The following NRXN1 variants were observed in gnomAD, a reference collection of about 807,000 sequenced individuals.
The protein encoded by NRXN1 is neurexin 1.
Under a neutral mutation model 150.9 loss-of-function variants are expected in NRXN1, and 39 were observed. The ratio of observed to expected loss-of-function variants is 0.26; its 90% CI spans 0.20 to 0.34. NRXN1 has a LOEUF of 0.34. Ranked by LOEUF, NRXN1 falls within the 10% of genes least tolerant of loss-of-function variation. NRXN1 has a pLI of 1.00. For synonymous variants in NRXN1, 924 were observed against 757.0 expected (o/e 1.22, Z -3.62); for missense variants, 1,815 against 1,949.9 (o/e 0.93, Z 1.30).
Position 50,355,181 on chromosome 2 carries a change from G to T in NRXN1, c.3364+110261C>A, listed in dbSNP as rs147788648. ...GGAACTTAATCATGCGATTCAAATT[G>T]AGTCTCTATCTGGGATCTATAATCT... On this transcript the variant is annotated intron_variant, in intron 17 of 22. Coordinates refer to ENST00000401669, the MANE Select transcript of NRXN1 (RefSeq NM_001330078.2). Among the ~76,000 whole-genome samples, 811 of 151,082 alleles carry T rather than the reference G, an allele frequency of 5.4e-3. 4 individuals carry two copies. Among genetic ancestry groups the T allele is most frequent in the Non-Finnish European group, 9.2e-3 (625 of 67,796 alleles).
At chr2:50,915,650 T>C (rs1685117223) in intron 5 of NRXN1, among the ~76,000 whole-genome samples, 2 of 151,504 alleles carry the variant, frequency 1.3e-5, no homozygotes, top group African/African-American at 4.8e-5. Flanking sequence ...GCCAGAATCA[T>C]AAATAATAGG....
At chr2:49,996,966 A>G (rs1683106948) in intron 21 of NRXN1, among the ~76,000 whole-genome samples, 1 of 152,192 alleles carries the variant, frequency 6.6e-6, no homozygotes, top group Admixed American at 6.5e-5. Context: ...TTATTATTTC[A>G]TTACAACATT....
At chr2:50,811,084 T>C (rs1001785924) in intron 5 of NRXN1, among the ~76,000 whole-genome samples, 22 of 152,282 alleles carry the variant, frequency 1.4e-4, no homozygotes, top group African/African-American at 5.3e-4. Flanking sequence ...GAGTTTTACA[T>C]ATATAATGAT....
At chr2:50,078,821 T>G (rs1399149836) in intron 19 of NRXN1, among the ~76,000 whole-genome samples, 1 of 152,126 alleles carries the variant, frequency 6.6e-6, no homozygotes, top group Non-Finnish European at 1.5e-5. Flanking sequence ...ACATTTAACT[T>G]GATCACTTAA....
At chr2:50,296,881 CTTTTT>C (rs4032054) in intron 17 of NRXN1, among the ~76,000 whole-genome samples, 3 of 112,946 alleles carry the variant, frequency 2.7e-5, no homozygotes, top group Non-Finnish European at 5.6e-5. Flanking sequence ...TTCTTTCTTT[CTTTTT>C]TTTTTTTTTT....
chr2:50,828,530 A>C (rs1181199520), intron 5 of NRXN1, among the ~76,000 whole-genome samples: 1 of 132,988 alleles, frequency 7.5e-6, no homozygotes, highest in Admixed American at 7.6e-5. Flanking sequence ...CTGGGCAGAG[A>C]CGCTCCTCAC....
chr2:49,957,683 A>T (rs1313810561), intron 21 of NRXN1, among the ~76,000 whole-genome samples: 3 of 152,166 alleles, frequency 2.0e-5, no homozygotes, highest in African/African-American at 7.2e-5. Context: ...CATTTGTCAA[A>T]TCATATTTGG....
intron 5 of NRXN1, among the ~76,000 whole-genome samples, chr2:50,702,425 T>A (rs992506711): frequency 6.6e-6 from 1 of 152,046 alleles, no homozygotes; most frequent in Non-Finnish European, 1.5e-5. Flanking sequence ...AAAGCATATC[T>A]GAAAGAATGA....
At chr2:50,098,009 G>C (rs1463862977) in intron 18 of NRXN1, among the ~76,000 whole-genome samples, 3 of 152,012 alleles carry the variant, frequency 2.0e-5, no homozygotes, top group South Asian at 2.1e-4. Flanking sequence ...TACCAATTTA[G>C]ATGGCCTATA....
chr2:50,861,299 A>G (rs1676098979), intron 5 of NRXN1, among the ~76,000 whole-genome samples: 5 of 152,046 alleles, frequency 3.3e-5, no homozygotes, highest in Admixed American at 2.6e-4. Context: ...TGTAGCCTCC[A>G]TCTTCTGGGC....
intron 2 of NRXN1, among the ~76,000 whole-genome samples, chr2:50,974,061 T>C (rs1319531192): frequency 6.6e-6 from 1 of 152,110 alleles, no homozygotes. Flanking sequence ...GAGAAGTGCG[T>C]TCTACTCTAA....
intron 5 of NRXN1, among the ~76,000 whole-genome samples, chr2:50,814,115 T>C (rs1360279872): frequency 1.3e-5 from 2 of 152,140 alleles, no homozygotes; most frequent in Non-Finnish European, 2.9e-5. Flanking sequence ...CAGCCACGCA[T>C]TTCATCAGTG....
At chr2:50,934,065 T>G (rs1574972913) in intron 2 of NRXN1, among the ~76,000 whole-genome samples, 2 of 152,096 alleles carry the variant, frequency 1.3e-5, no homozygotes, top group Admixed American at 1.3e-4. Flanking sequence ...TGCTTTAAAA[T>G]GTGTGGCAAT....
At chr2:50,864,360 T>C (rs1422001619) in intron 5 of NRXN1, among the ~76,000 whole-genome samples, 1 of 152,002 alleles carries the variant, frequency 6.6e-6, no homozygotes, top group Non-Finnish European at 1.5e-5. Context: ...CCTGAATTTA[T>C]AGGAATGTCT....
chr2:50,958,850 T>G (rs1692694763), intron 2 of NRXN1, among the ~76,000 whole-genome samples: 1 of 152,150 alleles, frequency 6.6e-6, no homozygotes, highest in African/African-American at 2.4e-5. Flanking sequence ...ATAAATTTTC[T>G]TTATTAAGTT....
At chr2:50,470,513 G>GA (rs1181925662) in intron 16 of NRXN1, among the ~76,000 whole-genome samples, 4 of 151,684 alleles carry the variant, frequency 2.6e-5, no homozygotes, top group Non-Finnish European at 4.4e-5. Context: ...CTGCACAGAG[G>GA]AAAAAAATGT....
At chr2:50,916,036 G>A (rs1336247251) in intron 5 of NRXN1, among the ~76,000 whole-genome samples, 1 of 144,374 alleles carries the variant, frequency 6.9e-6, no homozygotes, top group African/African-American at 2.6e-5. Context: ...GATAATGAGA[G>A]ACACCGGCAT....
intron 8 of NRXN1, among the ~76,000 whole-genome samples, chr2:50,578,588 T>A (rs1671781326): frequency 6.6e-6 from 1 of 152,168 alleles, no homozygotes; most frequent in African/African-American, 2.4e-5. Context: ...CCTTTACTTT[T>A]ATACTCATGT....
chr2:50,845,802 T>A (rs1004977052), intron 5 of NRXN1, among the ~76,000 whole-genome samples: 1 of 152,166 alleles, frequency 6.6e-6, no homozygotes, highest in Admixed American at 6.5e-5. Flanking sequence ...GATATAAATA[T>A]CTACGCTGAC....
Sources: gnomAD v4.1 joint callset for allele counts (sites outside exome capture counted in the v4.1 genomes callset) on GRCh38, gnomAD v4.1.1 for gene constraint, MANE v1.5 for transcripts, NCBI Gene and HGNC (gene_info 2026-07-23, HGNC 2026-07-21) for gene names.